Variants in NHSL2 observed in about 807,000 individuals in gnomAD.
NHSL2 encodes the protein NHS like 2.
Under a neutral mutation model 53.4 loss-of-function variants are expected in NHSL2, and 27 were observed. The ratio of observed to expected loss-of-function variants is 0.51; its 90% CI spans 0.37 to 0.70. The LOEUF (loss-of-function observed/expected upper bound fraction) is 0.70. NHSL2 is among the 30% of genes least tolerant of loss of function. The pLI is 0.00. For synonymous variants in NHSL2, 408 were observed against 404.1 expected, an observed-to-expected ratio of 1.01 and a Z score of -0.12; for missense variants, 892 against 980.1, an observed-to-expected ratio of 0.91 and a Z score of 1.20.
At chrX:71,985,207 G>T (rs2041998352) in intron 1 of NHSL2, among the ~76,000 whole-genome samples, 1 of 111,498 alleles carries the variant, frequency 9.0e-6, no homozygotes, top group African/African-American at 3.3e-5. Flanking sequence ...ATACCCATAA[G>T]TTGAGTAAAT....
intron 1 of NHSL2, among the ~76,000 whole-genome samples, chrX:72,032,795 G>A (rs902196416): frequency 8.9e-6 from 1 of 111,827 alleles, no homozygotes; most frequent in Non-Finnish European, 1.9e-5. Flanking sequence ...GGTGTCAGAC[G>A]TTGCAGTGAG....
intron 1 of NHSL2, among the ~76,000 whole-genome samples, chrX:71,942,225 G>C (rs931372875): frequency 1.8e-5 from 2 of 112,380 alleles, no homozygotes; most frequent in East Asian, 5.6e-4. Flanking sequence ...CACCTGCATG[G>C]TGCAGCCTAA....
rs2042524368 is a variant in NHSL2 at position 72,152,537 on chromosome X, CA to C, written c.*8964del. On this transcript the variant is annotated 3_prime_UTR_variant, in exon 8 of 8. Coordinates refer to ENST00000633930, the MANE Select transcript of NHSL2 (RefSeq NM_001013627.3). ...TGGCAATTCAAAACAGGCTGACATA[CA>C]GAGGGCTAGCACTCTAATTTGATGT... is the stretch of plus-strand genomic sequence containing the variant. The C allele has an allele frequency of 2.7e-5, 3 of 112,307 alleles. No homozygotes were observed. Among genetic ancestry groups the C allele is most frequent in the Admixed American group, 1.9e-4 (2 of 10,585 alleles). The allele number at this position is 112,307 out of a possible 1,213,427, so 9.3% of individuals were successfully genotyped here.
At chrX:72,056,556 A>G (rs980607618) in intron 1 of NHSL2, among the ~76,000 whole-genome samples, 186 of 109,571 alleles carry the variant, frequency 1.7e-3, no homozygotes, top group Non-Finnish European at 2.3e-3. Context: ...GTCTGCGCAC[A>G]CACACACACA....
intron 1 of NHSL2, among the ~76,000 whole-genome samples, chrX:72,000,651 A>G (rs1285860892): frequency 1.8e-5 from 2 of 111,345 alleles, no homozygotes; most frequent in Non-Finnish European, 3.8e-5. Flanking sequence ...CCTTGACTTC[A>G]AAACCAAAAG....
At position 72,143,695 on chromosome X, in the gene NHSL2, ACT is replaced by A. The variant is rs1220311941; in HGVS notation, c.*124_*125del. On this transcript the variant is annotated 3_prime_UTR_variant, in exon 8 of 8. Transcript: ENST00000633930. ...CTACATTTCTTTTATATTAACTCAC[ACT>A]CTGGACAGCAGGAGAGAGGCTACTT... 4.3e-6 allele frequency: 2 copies of A among 461,411 alleles called. No homozygotes were observed. Among genetic ancestry groups the A allele is most frequent in the African/African-American group, 4.9e-5 (2 of 40,599 alleles). 38.0% of individuals were successfully genotyped at this position (461,411 alleles called of 1,213,427 possible).
In NHSL2 at chrX:72,139,447, A is replaced by G. The variant is rs750000092; in HGVS notation, c.1899A>G (p.Gln633=). Residue 633 remains glutamine (Q), a synonymous_variant, in exon 6 of 8, where the codon CAA becomes CAG. Coordinates refer to ENST00000633930, the MANE Select transcript of NHSL2 (RefSeq NM_001013627.3). ...IPNHKDPEST[Q]FSHHWYLTDW... ...ACCACAAAGATCCAGAAAGTACACA[A>G]TTCTCCCACCACTGGTATCTTACTG... is the stretch of plus-strand genomic sequence containing the variant. The G allele has an allele frequency of 1.5e-5, 18 of 1,208,375 alleles. No homozygotes were observed. Among genetic ancestry groups the G allele is most frequent in the Non-Finnish European group, 1.9e-5 (17 of 894,414 alleles).
chrX:71,962,985 T>A (rs986223052), intron 1 of NHSL2, among the ~76,000 whole-genome samples: 1 of 110,605 alleles, frequency 9.0e-6, no homozygotes, highest in African/African-American at 3.3e-5. Flanking sequence ...TCTTTTTTTT[T>A]CCTTGGTCAG....
intron 1 of NHSL2, among the ~76,000 whole-genome samples, chrX:71,956,941 T>C (rs2041845552): frequency 9.0e-6 from 1 of 111,617 alleles, no homozygotes; most frequent in African/African-American, 3.3e-5. Flanking sequence ...CTCAGATCTC[T>C]GGTAGGTAAG....
rs975525520 is a variant in NHSL2, at chrX:72,146,992, C to A, written c.*3418C>A. ...CTGACCAGTTGATCTGGATAAATTACCTTGAACGTGCAAAGACAGAGGAGA... is the reference window on the plus strand; with the variant it reads ...CTGACCAGTTGATCTGGATAAATTAACTTGAACGTGCAAAGACAGAGGAGA... On this transcript the variant is annotated 3_prime_UTR_variant, in exon 8 of 8. Transcript: ENST00000633930. 1 of 111,958 alleles carries A rather than the reference C, an allele frequency of 8.9e-6. No homozygotes were observed. The highest frequency in any genetic ancestry group is 2.8e-4 in the East Asian group (1 of 3,596). The allele number at this position is 111,958 out of a possible 1,213,427, so 9.2% of individuals were successfully genotyped here.
chrX:71,919,986 C>T (rs1251332391), intron 1 of NHSL2, among the ~76,000 whole-genome samples: 1 of 112,789 alleles, frequency 8.9e-6, no homozygotes, highest in Non-Finnish European at 1.9e-5. Context: ...TTTACAGAAC[C>T]AGCCTGGTTT....
intron 1 of NHSL2, among the ~76,000 whole-genome samples, chrX:71,941,878 G>C (rs931317482): frequency 9.0e-6 from 1 of 111,636 alleles, no homozygotes; most frequent in African/African-American, 3.3e-5. Flanking sequence ...GGGCTCTAAA[G>C]GCCCAAAGCC....
At position 72,099,036 on chromosome X, in the gene NHSL2, A is replaced by G. The variant is rs1376672224; in HGVS notation, c.281-33043A>G. 2.7e-5 allele frequency among the ~76,000 whole-genome samples: 3 copies of G among 112,404 alleles called. No homozygotes were observed. In the Admixed American group the frequency reaches 2.8e-4, roughly 11 times the overall value. On this transcript the variant is annotated intron_variant, in intron 1 of 7. Transcript: ENST00000633930. ...TTTTCTAGTTTCTACTCAAAGAGAT[A>G]TCCTTCATTCTTCTTAATGGCTGCA... is the stretch of plus-strand genomic sequence containing the variant.
chrX:72,018,744 C>T (rs1275649048), intron 1 of NHSL2, among the ~76,000 whole-genome samples: 1 of 112,740 alleles, frequency 8.9e-6, no homozygotes, highest in African/African-American at 3.2e-5. Context: ...AGTGGCGGCG[C>T]CAGCCCGATG....
intron 1 of NHSL2, among the ~76,000 whole-genome samples, chrX:71,963,974 C>T (rs56029331): frequency 0.12 from 5,956 of 47,843 alleles, 1,013 homozygotes; most frequent in African/African-American, 0.35. Flanking sequence ...TATATATATA[C>T]ATATATATAT....
chrX:71,999,473 A>G (rs906489065), intron 1 of NHSL2, among the ~76,000 whole-genome samples: 1 of 112,331 alleles, frequency 8.9e-6, no homozygotes, highest in African/African-American at 3.2e-5. Context: ...AAATACAGCC[A>G]TCATTAAAAA....
chrX:72,126,549 G>C (rs906909606), intron 1 of NHSL2, among the ~76,000 whole-genome samples: 1 of 100,291 alleles, frequency 1.0e-5, no homozygotes, highest in Admixed American at 1.2e-4. Context: ...GAGGCTTAAT[G>C]AATGTTCCCA....
At chrX:71,921,521 A>T (rs1203916469) in intron 1 of NHSL2, among the ~76,000 whole-genome samples, 1 of 111,216 alleles carries the variant, frequency 9.0e-6, no homozygotes, top group Non-Finnish European at 1.9e-5. Flanking sequence ...AAGTAGAGTA[A>T]AACATCTTTT....
intron 1 of NHSL2, chrX:72,130,037 G>A (rs771005184): frequency 1.7e-6 from 2 of 1,209,537 alleles, no homozygotes; most frequent in African/African-American, 1.8e-5. Context: ...CTGCTAGGCT[G>A]TATTATGGGA....
Sources: gnomAD v4.1 joint callset for allele counts (sites outside exome capture counted in the v4.1 genomes callset) on GRCh38, gnomAD v4.1.1 for gene constraint, MANE v1.5 for transcripts, NCBI Gene and HGNC (gene_info 2026-07-23, HGNC 2026-07-21) for gene names.